PIK3C2B: variants seen among roughly 807,000 people sequenced by gnomAD.
PIK3C2B encodes the protein phosphatidylinositol 4-phosphate 3-kinase C2 domain-containing subunit beta.
In PIK3C2B, 83 loss-of-function variants were observed where a neutral mutation model predicts 184.3. The ratio of observed to expected loss-of-function variants is 0.45; its 90% CI spans 0.38 to 0.54. PIK3C2B has a LOEUF of 0.54. Ranked by LOEUF, PIK3C2B falls within the 20% of genes least tolerant of loss-of-function variation. The pLI is 0.00. For missense variants in PIK3C2B, 1,736 were observed against 2,113.5 expected (o/e 0.82, Z 3.50); for synonymous variants, 779 against 837.6 (o/e 0.93, Z 1.21).
At position 204,457,742 on chromosome 1, in the gene PIK3C2B, G is replaced by C. The variant is rs746701118; in HGVS notation, c.1699C>G (p.Pro567Ala). Residue 567 changes from proline (P) to alanine (A), a missense_variant, in exon 9 of 33, where the codon CCT becomes GCT. By Grantham distance (27) the Pro-to-Ala change is conservative. Coordinates refer to ENST00000684373, the MANE Select transcript of PIK3C2B (RefSeq NM_001377334.1). ...QLPPCPSRMQ[P>A]KIQKDPSVLA... ...GGCCCCTTTACCTTCTGAATTTTAG[G>C]CTGCATGCGGGAGGGGCAGGGGGGC... The C allele has an allele frequency of 1.2e-6, 2 of 1,607,330 alleles. No individual in the cohort carries two copies. Among genetic ancestry groups the C allele is most frequent in the Non-Finnish European group, 1.7e-6 (2 of 1,177,254 alleles).
chr1:204,425,834 A>C, intron 31 of PIK3C2B, 93 bp from the exon 32 acceptor site: 20 of 1,180,234 alleles, frequency 1.7e-5, no homozygotes, highest in Non-Finnish European at 2.0e-5. Flanking sequence ...CCAGACTCTC[A>C]TCTGCCATCT....
chr1:204,454,448 C>G, intron 12 of PIK3C2B: 2 of 429,420 alleles, frequency 4.7e-6, no homozygotes, highest in Non-Finnish European at 8.3e-6. Flanking sequence ...CACCACTGCA[C>G]TCCAGCTTGG....
chr1:204,426,799 C>T (rs1380984457), intron 31 of PIK3C2B, among the ~76,000 whole-genome samples: 2 of 152,154 alleles, frequency 1.3e-5, no homozygotes, highest in African/African-American at 2.4e-5. Context: ...CCCCAACCTA[C>T]ATAAAATGCC....
intron 20 of PIK3C2B, 62 bp from the exon 21 acceptor site, chr1:204,441,625 C>T (rs954658962): frequency 1.8e-6 from 2 of 1,138,232 alleles, no homozygotes; most frequent in African/African-American, 3.0e-5. Flanking sequence ...AGGAAAACGA[C>T]CTCTCCACTT....
chr1:204,431,272 G>T, intron 28 of PIK3C2B: 3 of 238,346 alleles, frequency 1.3e-5, no homozygotes, highest in Non-Finnish European at 2.5e-5. Context: ...ATTTCACTTA[G>T]CAGAATGTCC....
At chr1:204,455,768 GACAGTGGTATT>G in intron 11 of PIK3C2B, 77 bp downstream of exon 11, 1 of 1,016,680 alleles carries the variant, frequency 9.8e-7, no homozygotes. Context: ...TAAGACTTAG[GACAGTGGTATT>G]ACATGCAGAT....
intron 1 of PIK3C2B, among the ~76,000 whole-genome samples, chr1:204,486,394 CAAA>C (rs34149363): frequency 1.0e-4 from 9 of 86,562 alleles, no homozygotes; most frequent in South Asian, 4.0e-4. Context: ...GACTCAGTCT[CAAA>C]AAAAAAAAAA....
chr1:204,443,998 T>C, intron 18 of PIK3C2B, 70 bp downstream of exon 18: 1 of 1,076,726 alleles, frequency 9.3e-7, no homozygotes, highest in South Asian at 1.3e-5. Flanking sequence ...TGCCCTTGCG[T>C]GCCTAAGAGT....
chr1:204,461,662 A>C (rs971797725), intron 5 of PIK3C2B, among the ~76,000 whole-genome samples: 1 of 152,112 alleles, frequency 6.6e-6, no homozygotes, highest in Non-Finnish European at 1.5e-5. Context: ...GAGAGGACCA[A>C]ATCTCCGATC....
At position 204,464,047 on chromosome 1, in the gene PIK3C2B, C is replaced by T. The variant is rs1439640501; in HGVS notation, c.1275G>A (p.Val425=). The change falls in exon 5 of 33, where the codon GTG becomes GTA. Residue 425 remains valine, a synonymous_variant. Coordinates refer to ENST00000684373, the MANE Select transcript of PIK3C2B (RefSeq NM_001377334.1). ...ACTCCTCCAGCCCGCAGGGCTTTAGCACAAAGTCACCCACGTCCACATTCC... is the reference window on the plus strand; with the variant it reads ...ACTCCTCCAGCCCGCAGGGCTTTAGTACAAAGTCACCCACGTCCACATTCC... ...DLRNVDVGDF[V]LKPCGLEEFL... 6.2e-7 allele frequency: 1 copy of T among 1,614,208 alleles called. No individual in the cohort carries two copies. The highest frequency in any genetic ancestry group is 1.1e-5 in the South Asian group (1 of 91,084).
In PIK3C2B at chr1:204,464,405, C is replaced by T. The variant is rs375353470; in HGVS notation, c.1189+45G>A. On this transcript the variant is annotated intron_variant, in intron 4 of 32. Transcript: ENST00000684373. The stretch of plus-strand genomic sequence containing the variant: ...GAGTCAAAACACAGTCATCCCCACC[C>T]CACTTCAAGGGATGCTCACATCCTC... 1.9e-4 allele frequency: 298 copies of T among 1,567,578 alleles called. 1 individual carries two copies. In the African/African-American group the frequency reaches 3.4e-3, roughly 18 times the overall value.
intron 12 of PIK3C2B, among the ~76,000 whole-genome samples, chr1:204,451,238 G>A (rs1429163998): frequency 6.6e-6 from 1 of 152,244 alleles, no homozygotes; most frequent in Non-Finnish European, 1.5e-5. Flanking sequence ...GTGGGGCAGA[G>A]AATCAGCTGA....
Position 204,444,444 on chromosome 1 carries a change from G to T in PIK3C2B, c.2679-20C>A, listed in dbSNP as rs1173433315. On this transcript the variant is annotated intron_variant, in intron 16 of 32. Transcript: ENST00000684373. ...GGGAAGCTGCAAAACAGAGCCCAGT[G>T]CCCTGACAACCTAGCTGCAAGTTGA... 1.3e-6 allele frequency: 2 copies of T among 1,591,178 alleles called. No individual in the cohort carries two copies. The highest frequency in any genetic ancestry group is 1.7e-4 in the Middle Eastern group (1 of 6,022).
Position 204,444,792 on chromosome 1 carries a change from T to A in PIK3C2B, c.2679-368A>T, listed in dbSNP as rs7545501. Among the ~76,000 whole-genome samples the A allele has an allele frequency of 6.2e-3, 949 of 152,338 alleles. 12 individuals are homozygous for A. The highest frequency in any genetic ancestry group is 0.022 in the African/African-American group (901 of 41,560). On this transcript the variant is annotated intron_variant, in intron 16 of 32. Transcript: ENST00000684373. ...GCCCTGATGTGGGTAAAAGCATTAT[T>A]TTGTCTTGTTAACATCCTTTAATGC...
At chr1:204,464,354 C>G (rs1052199165) in intron 4 of PIK3C2B, 96 bp downstream of exon 4, 52 of 1,315,468 alleles carry the variant, frequency 4.0e-5, no homozygotes, top group Non-Finnish European at 5.2e-5. Flanking sequence ...TGCCCTTCAT[C>G]TGGGCCACAA....
At chr1:204,481,662 C>A (rs1657160382) in intron 1 of PIK3C2B, among the ~76,000 whole-genome samples, 1 of 152,156 alleles carries the variant, frequency 6.6e-6, no homozygotes, top group Non-Finnish European at 1.5e-5. Flanking sequence ...CGGCCCTTCC[C>A]CAAGCAGGCT....
intron 23 of PIK3C2B, among the ~76,000 whole-genome samples, chr1:204,436,366 C>T (rs749142068): frequency 3.3e-5 from 5 of 151,886 alleles, no homozygotes; most frequent in Non-Finnish European, 7.4e-5. Context: ...CCCATCTCCA[C>T]GAAAAATAGA....
chr1:204,458,486 C>T (rs2103501289), intron 8 of PIK3C2B, among the ~76,000 whole-genome samples: 1 of 150,694 alleles, frequency 6.6e-6, no homozygotes, highest in Admixed American at 6.6e-5. Flanking sequence ...TCCCCAAAGG[C>T]TATGACAATT....
intron 12 of PIK3C2B, 23 bp from the exon 13 acceptor site, chr1:204,450,040 T>C (rs1654220664): frequency 6.5e-7 from 1 of 1,529,362 alleles, no homozygotes; most frequent in African/African-American, 1.4e-5. Context: ...GGAAGTCAAA[T>C]TAGGAGGGGC....
Sources: gnomAD v4.1 joint callset for allele counts (sites outside exome capture counted in the v4.1 genomes callset) on GRCh38, gnomAD v4.1.1 for gene constraint, MANE v1.5 for transcripts, NCBI Gene and HGNC (gene_info 2026-07-23, HGNC 2026-07-21) for gene names.